PAX5: variants seen among roughly 807,000 people sequenced by gnomAD.
The protein encoded by PAX5 is paired box protein Pax-5.
PAX5 carries 9 observed loss-of-function variants against 43.7 expected under a neutral mutation model. The ratio of observed to expected loss-of-function variants is 0.21; its 90% CI spans 0.12 to 0.36. The LOEUF (loss-of-function observed/expected upper bound fraction) is 0.36. PAX5 is among the 10% of genes least tolerant of loss of function. The pLI, the probability that PAX5 is intolerant of heterozygous loss-of-function variation, is 1.00. For missense variants in PAX5, 383 were observed against 532.7 expected (o/e 0.72, Z 2.77); for synonymous variants, 228 against 214.3 (o/e 1.06, Z -0.56).
intron 8 of PAX5, among the ~76,000 whole-genome samples, chr9:36,857,940 G>T (rs1244114517): frequency 1.3e-5 from 2 of 152,256 alleles, no homozygotes; most frequent in Non-Finnish European, 2.9e-5. Flanking sequence ...TTCTGCACAG[G>T]CATTGAGGGC....
intron 8 of PAX5, among the ~76,000 whole-genome samples, chr9:36,853,131 T>C (rs1352159926): frequency 1.3e-5 from 2 of 152,248 alleles, no homozygotes; most frequent in African/African-American, 4.8e-5. Flanking sequence ...CACCTTAATG[T>C]GTATTTCATT....
At chr9:36,993,791 T>A (rs883967) in intron 5 of PAX5, among the ~76,000 whole-genome samples, 5 of 151,718 alleles carry the variant, frequency 3.3e-5, no homozygotes, top group East Asian at 1.9e-4. Context: ...TATATCCCCC[T>A]CCATCGGCCC....
At chr9:36,943,918 G>T (rs1588043111) in intron 6 of PAX5, among the ~76,000 whole-genome samples, 1 of 152,154 alleles carries the variant, frequency 6.6e-6, no homozygotes, top group East Asian at 1.9e-4. Flanking sequence ...GGGCTCAGTG[G>T]CTCACACCTG....
intron 7 of PAX5, among the ~76,000 whole-genome samples, chr9:36,899,819 C>T (rs1267933842): frequency 1.3e-5 from 2 of 152,232 alleles, no homozygotes; most frequent in African/African-American, 2.4e-5. Flanking sequence ...CTATGGCTTT[C>T]CTGGAGCTTC....
chr9:37,020,513 C>G, intron 2 of PAX5, 123 bp downstream of exon 2: 1 of 1,020,264 alleles, frequency 9.8e-7, no homozygotes, highest in East Asian at 2.4e-5. Flanking sequence ...TTAAAGTGCT[C>G]TGCGTGTGAA....
At chr9:36,854,442 C>T (rs1823459683) in intron 8 of PAX5, among the ~76,000 whole-genome samples, 1 of 152,172 alleles carries the variant, frequency 6.6e-6, no homozygotes, top group Admixed American at 6.5e-5. Flanking sequence ...CACACACATA[C>T]ACACACACTG....
At chr9:36,923,096 G>T (rs1830309673) in intron 7 of PAX5, 1 of 413,458 alleles carries the variant, frequency 2.4e-6, no homozygotes, top group Non-Finnish European at 4.3e-6. Context: ...GAGGTTTCCT[G>T]CCCCCTACCC....
At chr9:36,877,313 C>T (rs543232054) in intron 8 of PAX5, among the ~76,000 whole-genome samples, 117 of 152,122 alleles carry the variant, frequency 7.7e-4, no homozygotes, top group African/African-American at 2.6e-3. Context: ...CCAGCTTGGG[C>T]GACGGCCAGA....
chr9:37,016,332 T>C (rs1839379227), intron 2 of PAX5, among the ~76,000 whole-genome samples: 1 of 152,236 alleles, frequency 6.6e-6, no homozygotes, highest in Admixed American at 6.5e-5. Context: ...AAAAGGAATG[T>C]TGAATTGCAG....
At chr9:36,864,711 C>T (rs571222997) in intron 8 of PAX5, among the ~76,000 whole-genome samples, 3 of 152,232 alleles carry the variant, frequency 2.0e-5, no homozygotes, top group Non-Finnish European at 2.9e-5. Context: ...GCCCTGCCTG[C>T]TCCCCTGGGA....
intron 7 of PAX5, among the ~76,000 whole-genome samples, chr9:36,917,726 A>G (rs955444385): frequency 6.6e-6 from 1 of 152,220 alleles, no homozygotes; most frequent in Non-Finnish European, 1.5e-5. Context: ...ACTTTATTGT[A>G]CTTCACAAAT....
At chr9:37,023,829 G>C (rs1035231288) in intron 1 of PAX5, among the ~76,000 whole-genome samples, 3 of 152,174 alleles carry the variant, frequency 2.0e-5, no homozygotes, top group Admixed American at 6.5e-5. Context: ...GGCAAACAGG[G>C]GCACAGGGAA....
chr9:36,998,321 C>T (rs1837565238), intron 5 of PAX5, among the ~76,000 whole-genome samples: 1 of 152,212 alleles, frequency 6.6e-6, no homozygotes, highest in African/African-American at 2.4e-5. Context: ...CTTCGCCAAT[C>T]CACTGGCCTA....
chr9:36,923,260 C>A (rs1830327020), intron 7 of PAX5, 95 bp downstream of exon 7: 1 of 1,471,222 alleles, frequency 6.8e-7, no homozygotes, highest in South Asian at 1.3e-5. Flanking sequence ...ATTGGCCAAT[C>A]ACATCCAAAC....
intron 1 of PAX5, among the ~76,000 whole-genome samples, chr9:37,029,000 C>T (rs1249512324): frequency 6.6e-6 from 1 of 152,180 alleles, no homozygotes; most frequent in Non-Finnish European, 1.5e-5. Flanking sequence ...AGCTATAGTT[C>T]TGTGAGCCAT....
intron 9 of PAX5, among the ~76,000 whole-genome samples, chr9:36,843,878 C>A (rs1424062395): frequency 2.0e-5 from 3 of 152,150 alleles, no homozygotes; most frequent in Non-Finnish European, 4.4e-5. Flanking sequence ...TCCAAGCACC[C>A]CGGGAAAAGT....
intron 3 of PAX5, among the ~76,000 whole-genome samples, chr9:37,008,262 C>A (rs908759909): frequency 6.6e-6 from 1 of 152,200 alleles, no homozygotes; most frequent in African/African-American, 2.4e-5. Context: ...CCACGTTAGC[C>A]AGGCTGGTCT....
At chr9:36,853,917 A>G (rs1323393131) in intron 8 of PAX5, among the ~76,000 whole-genome samples, 2 of 152,202 alleles carry the variant, frequency 1.3e-5, no homozygotes, top group African/African-American at 2.4e-5. Context: ...GCTCTTAATT[A>G]ACCCAAAACG....
At chr9:36,878,397 G>A (rs1379331864) in intron 8 of PAX5, among the ~76,000 whole-genome samples, 3 of 152,248 alleles carry the variant, frequency 2.0e-5, no homozygotes, top group Non-Finnish European at 2.9e-5. Flanking sequence ...GTTGGGTCAT[G>A]TGATGTGGCA....
Sources: allele counts gnomAD v4.1 joint callset (sites outside exome capture counted in the v4.1 genomes callset), GRCh38; gene constraint gnomAD v4.1.1; transcripts MANE v1.5; gene names NCBI Gene and HGNC (gene_info 2026-07-23, HGNC 2026-07-21).